MCF2L2: variants seen among roughly 807,000 people sequenced by gnomAD.
The protein encoded by MCF2L2 is MCF.2 cell line derived transforming sequence-like 2.
MCF2L2 carries 102 observed loss-of-function variants against 150.2 expected under a neutral mutation model. That is an observed-to-expected ratio of 0.68 (90% CI 0.58 to 0.80). MCF2L2 has a LOEUF of 0.80. Ranked by LOEUF, MCF2L2 falls within the 30% of genes least tolerant of loss-of-function variation. The pLI is 0.00. For missense variants in MCF2L2, 1,256 were observed against 1,372.8 expected (o/e 0.91, Z 1.34); for synonymous variants, 465 against 491.3 (o/e 0.95, Z 0.71).
chr3:183,291,923 C>T (rs114340341), intron 13 of MCF2L2, among the ~76,000 whole-genome samples: 3,046 of 152,220 alleles, frequency 0.02, 60 homozygotes, highest in East Asian at 0.051. Flanking sequence ...CTGGAAACAA[C>T]GAATGAGGCC....
intron 2 of MCF2L2, among the ~76,000 whole-genome samples, chr3:183,385,818 T>A (rs906633832): frequency 5.3e-5 from 8 of 152,168 alleles, no homozygotes; most frequent in Non-Finnish European, 4.4e-5. Context: ...AATGGCTGTG[T>A]GACAGAATTC....
intron 15 of MCF2L2, chr3:183,269,365 TACTA>T (rs1176518080): frequency 1.3e-5 from 2 of 158,620 alleles, no homozygotes; most frequent in Admixed American, 1.3e-4. Flanking sequence ...CTCTGCTAAG[TACTA>T]ACTACCTCAT....
At chr3:183,380,338 T>C (rs764956081) in intron 2 of MCF2L2, among the ~76,000 whole-genome samples, 2 of 152,188 alleles carry the variant, frequency 1.3e-5, no homozygotes, top group African/African-American at 2.4e-5. Flanking sequence ...ACAGTGACAG[T>C]TGACATCTGT....
intron 1 of MCF2L2, among the ~76,000 whole-genome samples, chr3:183,407,747 T>A (rs1715114822): frequency 6.6e-6 from 1 of 152,188 alleles, no homozygotes; most frequent in Non-Finnish European, 1.5e-5. Context: ...AAAATCCCAT[T>A]TCACAGCCTG....
intron 10 of MCF2L2, among the ~76,000 whole-genome samples, chr3:183,300,749 G>A (rs1435913293): frequency 6.6e-6 from 1 of 152,088 alleles, no homozygotes; most frequent in Non-Finnish European, 1.5e-5. Flanking sequence ...GGGCGTGGTG[G>A]CTCCCACCTG....
chr3:183,211,572 C>T (rs1005361771), intron 22 of MCF2L2, among the ~76,000 whole-genome samples: 3 of 152,176 alleles, frequency 2.0e-5, no homozygotes, highest in African/African-American at 7.2e-5. Flanking sequence ...GGAGCTGCTC[C>T]GCCTCCAACA....
chr3:183,311,597 T>G lies in MCF2L2; in HGVS notation c.878+51A>C. On this transcript the variant is annotated intron_variant, in intron 8 of 29. Coordinates refer to ENST00000328913, the MANE Select transcript of MCF2L2 (RefSeq NM_015078.4). ...CTGTTCTTGGTTGCTCCAGAACATC[T>G]AGGTCTACATATTCTCTCCTGAAAA... The G allele has an allele frequency of 2.5e-6, 4 of 1,607,176 alleles. No homozygotes were observed. In the South Asian group the frequency reaches 4.4e-5, roughly 18 times the overall value.
At chr3:183,294,926 C>T (rs572218089) in intron 13 of MCF2L2, among the ~76,000 whole-genome samples, 1 of 152,168 alleles carries the variant, frequency 6.6e-6, no homozygotes, top group South Asian at 2.1e-4. Context: ...CCGCGCCCAG[C>T]CTAATTTTTC....
intron 22 of MCF2L2, among the ~76,000 whole-genome samples, chr3:183,212,718 G>A (rs1340367423): frequency 2.0e-5 from 3 of 151,968 alleles, no homozygotes; most frequent in Admixed American, 6.6e-5. Context: ...GTATAAATGC[G>A]TCCACACAGA....
At chr3:183,425,839 C>T (rs1011508656) in intron 1 of MCF2L2, among the ~76,000 whole-genome samples, 1 of 152,106 alleles carries the variant, frequency 6.6e-6, no homozygotes, top group Non-Finnish European at 1.5e-5. Flanking sequence ...CCTGTAATCC[C>T]AGCTACTCGG....
At chr3:183,282,577 TC>T in intron 14 of MCF2L2, among the ~76,000 whole-genome samples, 1 of 152,308 alleles carries the variant, frequency 6.6e-6, no homozygotes, top group East Asian at 1.9e-4. Context: ...TCTTTCCCAT[TC>T]CCGAACCAAG....
chr3:183,406,759 G>T (rs536731749), intron 1 of MCF2L2, among the ~76,000 whole-genome samples: 5 of 152,272 alleles, frequency 3.3e-5, no homozygotes, highest in Non-Finnish European at 7.3e-5. Flanking sequence ...AAAGTGCTGG[G>T]ATTACAGGCG....
intron 1 of MCF2L2, among the ~76,000 whole-genome samples, chr3:183,409,201 T>C (rs561812630): frequency 6.6e-6 from 1 of 152,230 alleles, no homozygotes; most frequent in Non-Finnish European, 1.5e-5. Flanking sequence ...GCTCATAAAA[T>C]ACTTAAGATT....
At chr3:183,324,911 C>T (rs534517103) in intron 5 of MCF2L2, among the ~76,000 whole-genome samples, 10 of 151,802 alleles carry the variant, frequency 6.6e-5, no homozygotes, top group Middle Eastern at 3.4e-3. Flanking sequence ...GAAAATGTGG[C>T]ACATATACAT....
chr3:183,317,745 G>A (rs1002163590), intron 7 of MCF2L2, among the ~76,000 whole-genome samples: 4 of 152,058 alleles, frequency 2.6e-5, no homozygotes, highest in African/African-American at 9.7e-5. Context: ...CCCTTGAAAG[G>A]GTGCTCACAT....
At chr3:183,341,673 A>C in intron 3 of MCF2L2, 43 bp from the exon 4 acceptor site, 1 of 1,364,442 alleles carries the variant, frequency 7.3e-7, no homozygotes, top group Non-Finnish European at 1.1e-6. Context: ...GGTGAGACCC[A>C]TATGCTCCAT....
intron 15 of MCF2L2, among the ~76,000 whole-genome samples, chr3:183,259,434 C>A (rs1725382686): frequency 1.3e-5 from 2 of 152,314 alleles, no homozygotes; most frequent in South Asian, 4.1e-4. Flanking sequence ...TTTTATTCAT[C>A]TACCTTATGA....
chr3:183,358,851 C>T (rs1474635860), intron 3 of MCF2L2, among the ~76,000 whole-genome samples: 2 of 152,078 alleles, frequency 1.3e-5, no homozygotes. Flanking sequence ...TCTTGAACCC[C>T]TCAAGTAATC....
chr3:183,254,856 C>T (rs943288477), intron 15 of MCF2L2: 2 of 152,272 alleles, frequency 1.3e-5, no homozygotes, highest in Non-Finnish European at 2.9e-5. Context: ...CGTGGCCACT[C>T]TTTCCTTTGA....
Sources: gnomAD v4.1 joint callset for allele counts (sites outside exome capture counted in the v4.1 genomes callset) on GRCh38, gnomAD v4.1.1 for gene constraint, MANE v1.5 for transcripts, NCBI Gene and HGNC (gene_info 2026-07-23, HGNC 2026-07-21) for gene names.